TEX46: variants seen among roughly 807,000 people sequenced by gnomAD.
The protein encoded by TEX46 is testis-expressed protein 46.
TEX46 carries 6 observed loss-of-function variants against 5.3 expected under a neutral mutation model. That is an observed-to-expected ratio of 1.13 (90% CI 0.62 to 2.23). The LOEUF is 2.23. Among genes scored for constraint, TEX46 ranks in the 30% most tolerant of loss-of-function variants. TEX46 has a pLI of 0.00. For missense variants in TEX46, 131 were observed against 150.9 expected, an observed-to-expected ratio of 0.87 and a Z score of 0.69; for synonymous variants, 41 against 54.6, an observed-to-expected ratio of 0.75 and a Z score of 1.10.
At chr1:23,014,105 C>T in intron 1 of TEX46, 60 bp from the exon 2 acceptor site, 1 of 1,498,164 alleles carries the variant, frequency 6.7e-7, no homozygotes. Flanking sequence ...GCCCCAGGAC[C>T]CTGCCTCAGG....
chr1:23,014,146 C>T lies in TEX46; in HGVS notation c.3-101G>A, dbSNP rs1245181655. On this transcript the variant is annotated intron_variant, in intron 1 of 2. Coordinates refer to ENST00000566855, the MANE Select transcript of TEX46 (RefSeq NM_001242521.2). Reference sequence around the variant, plus strand: ...CCATGACAAGAGTCACGGCCACCCACTCCTCTGAGTCATAGCCAGCTCCCT... The same window carrying T: ...CCATGACAAGAGTCACGGCCACCCATTCCTCTGAGTCATAGCCAGCTCCCT... 8 of 1,450,740 alleles carry T rather than the reference C, an allele frequency of 5.5e-6. No homozygotes were observed. The African/African-American group carries it at 5.7e-5, about 10-fold the overall frequency. 89.9% of individuals were successfully genotyped at this position (1,450,740 alleles called of 1,614,324 possible).
chr1:23,011,495 C>T (rs977738167), intron 2 of TEX46, among the ~76,000 whole-genome samples: 29 of 151,380 alleles, frequency 1.9e-4, no homozygotes, highest in African/African-American at 6.3e-4. Context: ...CGGGTTCAAA[C>T]GATTCTTCTG....
At chr1:23,013,734 G>A in intron 2 of TEX46, 149 bp downstream of exon 2, 1 of 698,630 alleles carries the variant, frequency 1.4e-6, no homozygotes. Context: ...CACCACCTAA[G>A]AGGAAGCTGT....
At chr1:23,012,342 CA>C (rs1641362703) in intron 2 of TEX46, among the ~76,000 whole-genome samples, 1 of 130,372 alleles carries the variant, frequency 7.7e-6, no homozygotes, top group Non-Finnish European at 1.6e-5. Context: ...GACCCTGTCT[CA>C]AAAAACTAAA....
intron 1 of TEX46, 81 bp from the exon 2 acceptor site, chr1:23,014,126 A>T (rs1484459879): frequency 6.8e-7 from 1 of 1,465,876 alleles, no homozygotes; most frequent in East Asian, 2.5e-5. Context: ...CCCCTCCATG[A>T]CAAGAGTCAC....
Position 23,010,965 on chromosome 1 carries a change from CTG to C in TEX46, c.300_301del (p.His100GlnfsTer6), listed in dbSNP as rs1557466899. 22 of 1,535,770 alleles carry C rather than the reference CTG, an allele frequency of 1.4e-5. No homozygotes were observed. The highest frequency in any genetic ancestry group is 1.7e-5 in the Non-Finnish European group (20 of 1,146,616). ...GCAAATTGACTCATGCCTCCTCATT[CTG>C]TGTTTTTTCATGGGAAAATTCCGAT... On this transcript the variant is annotated frameshift_variant, in exon 3 of 3. Coordinates refer to ENST00000566855, the MANE Select transcript of TEX46 (RefSeq NM_001242521.2). LOFTEE classifies it low-confidence loss of function (END_TRUNC).
intron 2 of TEX46, among the ~76,000 whole-genome samples, chr1:23,012,433 CAT>C (rs1319294999): frequency 6.6e-6 from 1 of 151,554 alleles, no homozygotes; most frequent in Admixed American, 6.6e-5. Context: ...AACAAATACT[CAT>C]ATTCCCATAT....
At chr1:23,015,436 C>CAAAAAAAAAAAAAAAAAAAAAAA (rs61258225) in intron 1 of TEX46, among the ~76,000 whole-genome samples, 1 of 27,766 alleles carries the variant, frequency 3.6e-5, no homozygotes, top group Non-Finnish European at 5.8e-5. Context: ...GACTCCTTCT[C>CAAAAAAAAAAAAAAAAAAAAAAA]AAAAAAAAAA....
At chr1:23,013,805 C>T in intron 2 of TEX46, 78 bp downstream of exon 2, 9 of 1,347,770 alleles carry the variant, frequency 6.7e-6, no homozygotes, top group Non-Finnish European at 9.1e-6. Flanking sequence ...TCGACACCTA[C>T]CCTGTTCCCT....
Position 23,010,971 on chromosome 1 carries a change from T to C in TEX46, c.296A>G (p.Lys99Arg). Residue 99 changes from lysine to arginine, a missense_variant, in exon 3 of 3, where the codon AAA becomes AGA. Coordinates refer to ENST00000566855, the MANE Select transcript of TEX46 (RefSeq NM_001242521.2). ...TGACTCATGCCTCCTCATTCTGTGTTTTTTCATGGGAAAATTCCGATGTCT... is the reference window on the plus strand; with the variant it reads ...TGACTCATGCCTCCTCATTCTGTGTCTTTTCATGGGAAAATTCCGATGTCT... ...SSRHRNFPMK[K>R]HRMRRHESIC... The C allele has an allele frequency of 6.5e-7, 1 of 1,535,782 alleles. No individual in the cohort carries two copies. The highest frequency in any genetic ancestry group is 8.7e-7 in the Non-Finnish European group (1 of 1,146,644).
At chr1:23,012,513 C>T (rs951247044) in intron 2 of TEX46, among the ~76,000 whole-genome samples, 12 of 152,166 alleles carry the variant, frequency 7.9e-5, no homozygotes, top group African/African-American at 2.9e-4. Context: ...CCACAGCATC[C>T]TCCTCCCTCC....
At position 23,010,899 on chromosome 1, in the gene TEX46, C is replaced by T. The variant is rs1195014857; in HGVS notation, c.*2G>A. 6.6e-7 allele frequency: 1 copy of T among 1,525,554 alleles called. No homozygotes were observed. Among genetic ancestry groups the T allele is most frequent in the Non-Finnish European group, 8.8e-7 (1 of 1,137,950 alleles). The allele number at this position is 1,525,554 out of a possible 1,614,324, so 94.5% of individuals were successfully genotyped here. On this transcript the variant is annotated 3_prime_UTR_variant, in exon 3 of 3. Transcript: ENST00000566855. The stretch of plus-strand genomic sequence containing the variant: ...GGCAGAGGCCAGCCCGCCTCGGCCT[C>T]ATTAGCTGGGGGAACTCGAAGTACA...
At chr1:23,012,707 C>T (rs761591486) in intron 2 of TEX46, among the ~76,000 whole-genome samples, 2 of 152,096 alleles carry the variant, frequency 1.3e-5, no homozygotes, top group Non-Finnish European at 2.9e-5. Flanking sequence ...GGGTAGGGGC[C>T]GGGGTGGCCG....
intron 1 of TEX46, 70 bp from the exon 2 acceptor site, chr1:23,014,115 G>T: frequency 6.8e-7 from 1 of 1,480,068 alleles, no homozygotes. Context: ...CCTGCCTCAG[G>T]CCCCTCCATG....
chr1:23,014,550 A>T (rs1203290848), intron 1 of TEX46, among the ~76,000 whole-genome samples: 1 of 151,698 alleles, frequency 6.6e-6, no homozygotes. Flanking sequence ...TTTTTTATTT[A>T]TTATTATTTT....
intron 1 of TEX46, among the ~76,000 whole-genome samples, chr1:23,015,362 G>C (rs1325029144): frequency 7.2e-6 from 1 of 138,028 alleles, no homozygotes; most frequent in African/African-American, 2.7e-5. Context: ...CTGGAACCCA[G>C]GAGGCAGAGG....
intron 1 of TEX46, among the ~76,000 whole-genome samples, chr1:23,015,436 CAAAAAAAAA>C (rs61258225): frequency 3.2e-4 from 9 of 27,776 alleles, no homozygotes; most frequent in South Asian, 3.1e-3. Context: ...GACTCCTTCT[CAAAAAAAAA>C]AAAAAAAAAA....
At chr1:23,013,139 A>AT (rs1056407504) in intron 2 of TEX46, among the ~76,000 whole-genome samples, 1 of 152,044 alleles carries the variant, frequency 6.6e-6, no homozygotes, top group African/African-American at 2.4e-5. Context: ...AAGTGCAGGG[A>AT]TTATAGCTGT....
chr1:23,012,921 T>C (rs1240871208), intron 2 of TEX46, among the ~76,000 whole-genome samples: 2 of 147,310 alleles, frequency 1.4e-5, no homozygotes, highest in Non-Finnish European at 3.0e-5. Context: ...ATCCAGGCTG[T>C]AGTACAGTGG....
Sources: gnomAD v4.1 joint callset for allele counts (sites outside exome capture counted in the v4.1 genomes callset) on GRCh38, gnomAD v4.1.1 for gene constraint, MANE v1.5 for transcripts, NCBI Gene and HGNC (gene_info 2026-07-23, HGNC 2026-07-21) for gene names.